Variants in CNTNAP1 observed in about 807,000 individuals in gnomAD.
CNTNAP1 encodes contactin associated protein 1.
A neutral mutation model predicts 161.5 loss-of-function variants in CNTNAP1; 80 were observed. That is an observed-to-expected ratio of 0.50 (90% CI 0.41 to 0.60). CNTNAP1 has a LOEUF of 0.60. Ranked by LOEUF, CNTNAP1 falls within the 20% of genes least tolerant of loss-of-function variation. The probability of loss-of-function intolerance (pLI) is 0.00; values close to 1 mark genes in which losing one functional copy is unlikely to be tolerated. For synonymous variants in CNTNAP1, 695 were observed against 733.1 expected, an observed-to-expected ratio of 0.95 and a Z score of 0.84; for missense variants, 1,464 against 1,854.8, an observed-to-expected ratio of 0.79 and a Z score of 3.87.
chr17:42,695,592 A>G lies in CNTNAP1; in HGVS notation c.3064A>G (p.Arg1022Gly), dbSNP rs752891286. The change falls in exon 19 of 24, where the codon AGG becomes GGG. Residue 1022 changes from arginine (R) to glycine (G), a missense_variant. Physicochemically the swap from Arg to Gly is moderately radical, Grantham distance 125 (BLOSUM62 -2). Around this residue, in one of 3 missense-constraint regions of CNTNAP1, gnomAD observed 1,383 missense variants for 1,765.0 expected, o/e 0.78. Coordinates refer to ENST00000264638, the MANE Select transcript of CNTNAP1 (RefSeq NM_003632.3). ...NLQSALRSAA[R>G]EFSHMLSRPV... ...ACAGTCAGCGCTGCGCTCTGCAGCCAGGGAGTTCTCCCACATGCTGAGCCG... is the reference window on the plus strand; with the variant it reads ...ACAGTCAGCGCTGCGCTCTGCAGCCGGGGAGTTCTCCCACATGCTGAGCCG... 1 of 1,614,172 alleles carries G rather than the reference A, an allele frequency of 6.2e-7. No individual in the cohort carries two copies. Among genetic ancestry groups the G allele is most frequent in the South Asian group, 1.1e-5 (1 of 91,088 alleles).
intron 17 of CNTNAP1, 139 bp from the exon 18 acceptor site, chr17:42,693,158 A>T: frequency 6.8e-6 from 7 of 1,029,216 alleles, no homozygotes; most frequent in Non-Finnish European, 9.9e-6. Flanking sequence ...ACGGGGTTTC[A>T]TCATGTTAGC....
chr17:42,684,365 C>A, intron 3 of CNTNAP1, 136 bp downstream of exon 3: 1 of 797,102 alleles, frequency 1.3e-6, no homozygotes, highest in Non-Finnish European at 2.0e-6. Context: ...ACTCCAGGGA[C>A]TCTGTCCAGA....
chr17:42,697,576 G>T lies in CNTNAP1; in HGVS notation c.3591G>T (p.Glu1197Asp). ...RVMETGVIDP[E>D]IQRYNTPGFS... ...CAGAGACAGGAGTCATTGACCCGGA[G>T]ATCCAGCGCTACAACACCCCAGGTT... is the stretch of plus-strand genomic sequence containing the variant. The change falls in exon 22 of 24, where the codon GAG (glutamate) becomes GAT (aspartate). Residue 1197 changes from glutamate to aspartate, a missense_variant. This residue lies in a region of CNTNAP1 where 1,383 missense variants were observed against 1,765.0 expected (regional missense o/e 0.78). Transcript: ENST00000264638. 1 of 1,614,060 alleles carries T rather than the reference G, an allele frequency of 6.2e-7. No homozygotes were observed. Among genetic ancestry groups the T allele is most frequent in the Non-Finnish European group, 8.5e-7 (1 of 1,179,998 alleles).
rs375307262 is a variant in CNTNAP1, at chr17:42,690,205, G to A, written c.1853G>A (p.Arg618Gln). The change falls in exon 12 of 24, where the codon CGA (arginine) becomes CAA (glutamine). Residue 618 changes from arginine (R) to glutamine (Q), a missense_variant and splice_region_variant. Arg to Gln is a conservative substitution (Grantham distance 43, BLOSUM62 1). This residue lies in a region of CNTNAP1 where 1,383 missense variants were observed against 1,765.0 expected (regional missense o/e 0.78). Transcript: ENST00000264638. ...CCATTTGTAGTGTACTGTGATATCC[G>A]AGGTAAGTGTCTCTGTTGGGTGGTG... ...LKPFVVYCDIRENRAWTVVRH... is the reference protein window; with the variant it reads ...LKPFVVYCDIQENRAWTVVRH... 15 of 1,613,768 alleles carry A rather than the reference G, an allele frequency of 9.3e-6. No individual in the cohort carries two copies. Among genetic ancestry groups the A allele is most frequent in the African/African-American group, 2.7e-5 (2 of 74,886 alleles).
At position 42,691,598 on chromosome 17, in the gene CNTNAP1, G is replaced by A; in HGVS notation, c.2344+87G>A. 7 of 1,571,904 alleles carry A rather than the reference G, an allele frequency of 4.5e-6. No homozygotes were observed. Among genetic ancestry groups the A allele is most frequent in the Non-Finnish European group, 6.0e-6 (7 of 1,157,740 alleles). On this transcript the variant is annotated intron_variant, in intron 15 of 23. Transcript: ENST00000264638. The surrounding 1 kb of genome is among the most constrained non-coding windows in gnomAD (Gnocchi z 4.3). ...GGCCGCATGTCACTGGTGGTCTCTA[G>A]CTGGGGTGCCCGACCCCCAGCTCCT...
At position 42,690,194 on chromosome 17, in the gene CNTNAP1, C is replaced by T. The variant is rs781402141; in HGVS notation, c.1842C>T (p.Tyr614=). The part of the protein sequence containing the change: ...GSGPLKPFVV[Y]CDIRENRAWT... Reference sequence around the variant, plus strand: ...GCCCCCTGAAGCCATTTGTAGTGTACTGTGATATCCGAGGTAAGTGTCTCT... The same window carrying T: ...GCCCCCTGAAGCCATTTGTAGTGTATTGTGATATCCGAGGTAAGTGTCTCT... The change falls in exon 12 of 24, where the codon TAC becomes TAT. Residue 614 remains tyrosine, a synonymous_variant. Coordinates refer to ENST00000264638, the MANE Select transcript of CNTNAP1 (RefSeq NM_003632.3). 6 of 1,613,752 alleles carry T rather than the reference C, an allele frequency of 3.7e-6. No homozygotes were observed. In the Admixed American group the frequency reaches 6.7e-5, roughly 18 times the overall value.
chr17:42,694,630 A>G (rs1166594341), intron 18 of CNTNAP1, among the ~76,000 whole-genome samples: 1 of 109,472 alleles, frequency 9.1e-6, no homozygotes, highest in African/African-American at 3.3e-5. Flanking sequence ...GACTGTGTCT[A>G]CAAAAAAAAA....
chr17:42,687,989 C>T lies in CNTNAP1; in HGVS notation c.1306+8C>T, dbSNP rs747511043. 1.2e-6 allele frequency: 2 copies of T among 1,609,990 alleles called. No individual in the cohort carries two copies. The highest frequency in any genetic ancestry group is 4.5e-5 in the East Asian group (2 of 44,820). ...AGCTTCAGTTCGCTGCTGGTGAGGGCGTTTCGGGGGAGGCACAAGAAGAGA... is the reference window on the plus strand; with the variant it reads ...AGCTTCAGTTCGCTGCTGGTGAGGGTGTTTCGGGGGAGGCACAAGAAGAGA... On this transcript the variant is annotated splice_region_variant and intron_variant, in intron 8 of 23. Coordinates refer to ENST00000264638, the MANE Select transcript of CNTNAP1 (RefSeq NM_003632.3). The surrounding 1 kb of genome is among the most constrained non-coding windows in gnomAD (Gnocchi z 4.7).
At chr17:42,689,389 C>A (rs1191692516) in intron 10 of CNTNAP1, 132 bp from the exon 11 acceptor site, 1 of 682,970 alleles carries the variant, frequency 1.5e-6, no homozygotes, top group Non-Finnish European at 2.5e-6. Flanking sequence ...CGCTTATACC[C>A]GGCTGGCTAG....
chr17:42,696,025 G>A lies in CNTNAP1; in HGVS notation c.3347G>A (p.Gly1116Glu). Reference protein sequence around the residue: ...DYMAVLIKDDGTLQLRYQLGT... With the variant: ...DYMAVLIKDDETLQLRYQLGT... ...CAAATTTCTTCTCCCCACCCCACAG[G>A]GACCCTTCAGCTGCGATATCAGCTG... is the stretch of plus-strand genomic sequence containing the variant. The change falls in exon 20 of 24, where the codon GGG becomes GAG. Residue 1116 changes from glycine (G) to glutamate (E), a missense_variant and splice_region_variant. Physicochemically the swap from Gly to Glu is moderately conservative, Grantham distance 98. Around this residue, in one of 3 missense-constraint regions of CNTNAP1, gnomAD observed 1,383 missense variants for 1,765.0 expected, o/e 0.78. Coordinates refer to ENST00000264638, the MANE Select transcript of CNTNAP1 (RefSeq NM_003632.3). 1.2e-6 allele frequency: 2 copies of A among 1,613,964 alleles called. No homozygotes were observed. Among genetic ancestry groups the A allele is most frequent in the Admixed American group, 1.7e-5 (1 of 59,992 alleles).
rs887449158 is a variant in CNTNAP1, at chr17:42,691,054, G to T, written c.2060-83G>T. The T allele has an allele frequency of 1.1e-4, 177 of 1,596,260 alleles. No homozygotes were observed. Among genetic ancestry groups the T allele is most frequent in the Admixed American group, 9.0e-4 (53 of 59,018 alleles). ...CTTGGGTTGGAAGATTCAAGGAGGGGTCTGAACTCGCTGGAAGGGCGAGAG... is the reference window on the plus strand; with the variant it reads ...CTTGGGTTGGAAGATTCAAGGAGGGTTCTGAACTCGCTGGAAGGGCGAGAG... On this transcript the variant is annotated intron_variant, in intron 13 of 23. Transcript: ENST00000264638. The surrounding 1 kb of genome is among the most constrained non-coding windows in gnomAD (Gnocchi z 4.3).
In CNTNAP1 at chr17:42,692,474, C is replaced by T. The variant is rs1206647233; in HGVS notation, c.2531-25C>T. ...TCTTGTAGGTCTGAGTCCTTTTCTC[C>T]CCTACCCTGCATCACACTGTCCAGC... is the stretch of plus-strand genomic sequence containing the variant. On this transcript the variant is annotated intron_variant, in intron 16 of 23. Coordinates refer to ENST00000264638, the MANE Select transcript of CNTNAP1 (RefSeq NM_003632.3). 7.5e-6 allele frequency: 12 copies of T among 1,599,334 alleles called. No homozygotes were observed. In the East Asian group the frequency reaches 1.8e-4, roughly 24 times the overall value.
Position 42,695,523 on chromosome 17 carries a change from A to T in CNTNAP1, c.2995A>T (p.Ile999Phe), listed in dbSNP as rs777075814. The T allele has an allele frequency of 1.2e-6, 2 of 1,600,918 alleles. No individual in the cohort carries two copies. The highest frequency in any genetic ancestry group is 1.7e-5 in the Admixed American group (1 of 59,468). ...AACCTCCCTGCTTCTACCTGCAGATATTGGTGGTTTCTTTGAGCCGGGCAC... is the reference window on the plus strand; with the variant it reads ...AACCTCCCTGCTTCTACCTGCAGATTTTGGTGGTTTCTTTGAGCCGGGCAC... Reference protein sequence around the residue: ...AFDGPYCNHDIGGFFEPGTWM... With the variant: ...AFDGPYCNHDFGGFFEPGTWM... The change falls in exon 19 of 24, where the codon ATT (isoleucine) becomes TTT (phenylalanine). Residue 999 changes from isoleucine (I) to phenylalanine (F), a missense_variant and splice_region_variant. Coordinates refer to ENST00000264638, the MANE Select transcript of CNTNAP1 (RefSeq NM_003632.3).
chr17:42,691,322 G>A lies in CNTNAP1; in HGVS notation c.2216+29G>A. On this transcript the variant is annotated intron_variant, in intron 14 of 23. Transcript: ENST00000264638. The surrounding 1 kb of genome is among the most constrained non-coding windows in gnomAD (Gnocchi z 4.3). Reference sequence around the variant, plus strand: ...AGGGGGCAAAGGGACAGGGTTTTTAGGACTCCGGGAGTGGGAGGAGCTGAG... The same window carrying A: ...AGGGGGCAAAGGGACAGGGTTTTTAAGACTCCGGGAGTGGGAGGAGCTGAG... 6.2e-7 allele frequency: 1 copy of A among 1,614,042 alleles called. No individual in the cohort carries two copies. The highest frequency in any genetic ancestry group is 2.2e-5 in the East Asian group (1 of 44,882).
Position 42,682,876 on chromosome 17 carries a change from G to T in CNTNAP1, c.47G>T (p.Gly16Val). 6.2e-7 allele frequency: 1 copy of T among 1,601,588 alleles called. No individual in the cohort carries two copies. Among genetic ancestry groups the T allele is most frequent in the South Asian group, 1.1e-5 (1 of 88,888 alleles). ...LFCILLAAVS[G>V]AEGWGYYGCD... ...TGCATCCTGCTCGCCGCGGTCTCAGGAGCCGAGGGCTGGGGCTACTGTGAG... is the reference window on the plus strand; with the variant it reads ...TGCATCCTGCTCGCCGCGGTCTCAGTAGCCGAGGGCTGGGGCTACTGTGAG... Residue 16 changes from glycine to valine, a missense_variant, in exon 1 of 24, where the codon GGA becomes GTA. By Grantham distance (109) the Gly-to-Val change is moderately radical. Coordinates refer to ENST00000264638, the MANE Select transcript of CNTNAP1 (RefSeq NM_003632.3).
Position 42,691,588 on chromosome 17 carries a change from G to C in CNTNAP1, c.2344+77G>C. The C allele has an allele frequency of 6.3e-7, 1 of 1,587,066 alleles. No homozygotes were observed. The highest frequency in any genetic ancestry group is 8.6e-7 in the Non-Finnish European group (1 of 1,166,730). On this transcript the variant is annotated intron_variant, in intron 15 of 23. Transcript: ENST00000264638. The surrounding 1 kb of genome is among the most constrained non-coding windows in gnomAD (Gnocchi z 4.3). ...CCAAAATCTAGGCCGCATGTCACTG[G>C]TGGTCTCTAGCTGGGGTGCCCGACC... is the stretch of plus-strand genomic sequence containing the variant.
At position 42,697,603 on chromosome 17, in the gene CNTNAP1, C is replaced by A; in HGVS notation, c.3618C>A (p.Phe1206Leu). The change falls in exon 22 of 24, where the codon TTC (phenylalanine) becomes TTA (leucine). Residue 1206 changes from phenylalanine (F) to leucine (L), a missense_variant. Physicochemically the swap from Phe to Leu is conservative, Grantham distance 22. Coordinates refer to ENST00000264638, the MANE Select transcript of CNTNAP1 (RefSeq NM_003632.3). The stretch of plus-strand genomic sequence containing the variant: ...TCCAGCGCTACAACACCCCAGGTTT[C>A]TCAGGCTGCCTGTCTGGTGTTCGAT... ...PEIQRYNTPG[F>L]SGCLSGVRFN... 1.2e-6 allele frequency: 2 copies of A among 1,614,188 alleles called. No homozygotes were observed. Among genetic ancestry groups the A allele is most frequent in the Non-Finnish European group, 1.7e-6 (2 of 1,180,028 alleles).
intron 1 of CNTNAP1, 56 bp downstream of exon 1, chr17:42,682,952 G>T: frequency 6.6e-7 from 1 of 1,506,708 alleles, no homozygotes; most frequent in Non-Finnish European, 9.0e-7. Flanking sequence ...AGAGCCTGCA[G>T]GGCGGCCCCG....
chr17:42,698,591 C>T, intron 23 of CNTNAP1, 27 bp from the exon 24 acceptor site: 2 of 1,552,558 alleles, frequency 1.3e-6, no homozygotes, highest in Non-Finnish European at 1.8e-6. Context: ...TCCCAAAGAT[C>T]TGAATTGTCC....
Sources: allele counts gnomAD v4.1 joint callset (sites outside exome capture counted in the v4.1 genomes callset), GRCh38; gene constraint gnomAD v4.1.1; regional missense constraint gnomAD v4.1.1; non-coding constraint Gnocchi (gnomAD v3.1); transcripts MANE v1.5; gene names NCBI Gene and HGNC (gene_info 2026-07-23, HGNC 2026-07-21).